KCND2: variants seen among roughly 807,000 people sequenced by gnomAD.
The protein encoded by KCND2 is potassium voltage-gated channel subfamily D member 2.
Under a neutral mutation model 54.4 loss-of-function variants are expected in KCND2, and 16 were observed. The observed-to-expected ratio is 0.29, with a 90% confidence interval of 0.20 to 0.45. The LOEUF (loss-of-function observed/expected upper bound fraction) is 0.45, where lower values mean the gene tolerates loss of function less well. Ranked by LOEUF, KCND2 falls within the 20% of genes least tolerant of loss-of-function variation. KCND2 has a pLI of 1.00. For synonymous variants in KCND2, 317 were observed against 310.7 expected (o/e 1.02, Z -0.21); for missense variants, 486 against 824.2 (o/e 0.59, Z 5.02).
chr7:120,608,977 G>C (rs1792917611), intron 1 of KCND2, among the ~76,000 whole-genome samples: 1 of 152,134 alleles, frequency 6.6e-6, no homozygotes, highest in African/African-American at 2.4e-5. Context: ...ATGTGGCTCA[G>C]CTATCTGTAA....
chr7:120,689,505 A>G (rs1792244179), intron 1 of KCND2, among the ~76,000 whole-genome samples: 1 of 152,216 alleles, frequency 6.6e-6, no homozygotes, highest in Non-Finnish European at 1.5e-5. Context: ...CATAATTTAA[A>G]CCTAATATTT....
intron 1 of KCND2, among the ~76,000 whole-genome samples, chr7:120,495,971 A>T (rs944112543): frequency 6.6e-6 from 1 of 152,176 alleles, no homozygotes; most frequent in Non-Finnish European, 1.5e-5. Context: ...TTGAACTAAC[A>T]TGAGAAATGG....
intron 1 of KCND2, among the ~76,000 whole-genome samples, chr7:120,594,503 C>G (rs1792709457): frequency 6.6e-6 from 1 of 152,188 alleles, no homozygotes; most frequent in African/African-American, 2.4e-5. Context: ...GACTAGAGAA[C>G]TCTCTGGAGG....
At chr7:120,351,235 T>C (rs1800395932) in intron 1 of KCND2, among the ~76,000 whole-genome samples, 1 of 36,976 alleles carries the variant, frequency 2.7e-5, no homozygotes, top group Admixed American at 5.8e-4. Context: ...ATTATATATT[T>C]ATATGTGTGT....
chr7:120,690,689 T>G (rs916201161), intron 1 of KCND2, among the ~76,000 whole-genome samples: 10 of 152,202 alleles, frequency 6.6e-5, no homozygotes, highest in African/African-American at 2.4e-4. Context: ...TTCCTAATAA[T>G]CACATTGATC....
At chr7:120,557,465 A>G (rs1444480662) in intron 1 of KCND2, among the ~76,000 whole-genome samples, 1 of 152,134 alleles carries the variant, frequency 6.6e-6, no homozygotes, top group African/African-American at 2.4e-5. Flanking sequence ...AAAACAATTC[A>G]TATAGTTGAT....
At chr7:120,385,859 C>T (rs935570453) in intron 1 of KCND2, among the ~76,000 whole-genome samples, 2 of 152,120 alleles carry the variant, frequency 1.3e-5, no homozygotes, top group Non-Finnish European at 2.9e-5. Flanking sequence ...GCATTGGTTT[C>T]CAGCCGTTCT....
At chr7:120,295,937 T>G (rs1276750646) in intron 1 of KCND2, among the ~76,000 whole-genome samples, 1 of 152,052 alleles carries the variant, frequency 6.6e-6, no homozygotes, top group African/African-American at 2.4e-5. Context: ...ATTCAGTCAC[T>G]ATTAATTATT....
chr7:120,392,274 G>T (rs537536931), intron 1 of KCND2, among the ~76,000 whole-genome samples: 1 of 151,902 alleles, frequency 6.6e-6, no homozygotes, highest in Admixed American at 6.6e-5. Flanking sequence ...ATTGGTCTAT[G>T]TATCTTTTTT....
chr7:120,526,372 A>G (rs1334789220), intron 1 of KCND2, among the ~76,000 whole-genome samples: 1 of 152,062 alleles, frequency 6.6e-6, no homozygotes, highest in Non-Finnish European at 1.5e-5. Flanking sequence ...CCTAAATTTG[A>G]CTCCTAATAT....
At chr7:120,386,393 CT>C (rs1385654605) in intron 1 of KCND2, among the ~76,000 whole-genome samples, 2 of 152,100 alleles carry the variant, frequency 1.3e-5, no homozygotes, top group Non-Finnish European at 2.9e-5. Context: ...CCTCTTCCCC[CT>C]CAATGGTGCT....
chr7:120,520,671 A>C (rs1029055253), intron 1 of KCND2, among the ~76,000 whole-genome samples: 2 of 152,200 alleles, frequency 1.3e-5, no homozygotes, highest in Non-Finnish European at 2.9e-5. Flanking sequence ...ATTATGAGAC[A>C]TGAGGCAAAA....
At chr7:120,402,899 A>G (rs1461970819) in intron 1 of KCND2, among the ~76,000 whole-genome samples, 1 of 152,198 alleles carries the variant, frequency 6.6e-6, no homozygotes, top group African/African-American at 2.4e-5. Flanking sequence ...ATTACTGTTG[A>G]GTGACAGAAT....
At chr7:120,276,376 A>G (rs1192543408) in intron 1 of KCND2, among the ~76,000 whole-genome samples, 1 of 152,178 alleles carries the variant, frequency 6.6e-6, no homozygotes, top group Admixed American at 6.5e-5. Context: ...CAACTCTACA[A>G]TATGCAGTGG....
At chr7:120,387,156 G>A (rs973790749) in intron 1 of KCND2, among the ~76,000 whole-genome samples, 26 of 152,062 alleles carry the variant, frequency 1.7e-4, no homozygotes, top group African/African-American at 6.3e-4. Flanking sequence ...CCAGCAGCTA[G>A]AACAGTGTCA....
intron 1 of KCND2, among the ~76,000 whole-genome samples, chr7:120,463,192 C>A (rs905393628): frequency 3.9e-5 from 6 of 151,926 alleles, no homozygotes; most frequent in African/African-American, 1.2e-4. Context: ...TAATTTTAAA[C>A]CTTGGCAAGT....
At chr7:120,412,240 A>T (rs1349924089) in intron 1 of KCND2, among the ~76,000 whole-genome samples, 1 of 152,052 alleles carries the variant, frequency 6.6e-6, no homozygotes, top group Non-Finnish European at 1.5e-5. Flanking sequence ...ATAAATTCAG[A>T]GTTATTGCAT....
At chr7:120,337,736 G>T (rs1800172429) in intron 1 of KCND2, among the ~76,000 whole-genome samples, 1 of 152,156 alleles carries the variant, frequency 6.6e-6, no homozygotes, top group Non-Finnish European at 1.5e-5. Context: ...GCAAAAGGAA[G>T]AAAGATAATA....
chr7:120,714,769 C>A (rs1190292286), intron 1 of KCND2, among the ~76,000 whole-genome samples: 1 of 151,628 alleles, frequency 6.6e-6, no homozygotes, highest in African/African-American at 2.4e-5. Flanking sequence ...AACAGAACAC[C>A]ATATATATAT....
Sources: allele counts gnomAD v4.1 joint callset (sites outside exome capture counted in the v4.1 genomes callset), GRCh38; gene constraint gnomAD v4.1.1; transcripts MANE v1.5; gene names NCBI Gene and HGNC (gene_info 2026-07-23, HGNC 2026-07-21).